The following TLK2 variants were observed in gnomAD, a reference collection of about 807,000 sequenced individuals.
TLK2 encodes tousled like kinase 2.
TLK2 carries 6 observed loss-of-function variants against 117.3 expected under a neutral mutation model. The observed-to-expected ratio is 0.05, with a 90% confidence interval of 0.03 to 0.10. The LOEUF is 0.10. Among genes scored for constraint, TLK2 ranks in the 10% least tolerant of loss-of-function variants. The probability of loss-of-function intolerance (pLI) is 1.00; values close to 1 mark genes in which losing one functional copy is unlikely to be tolerated. For missense variants in TLK2, 299 were observed against 901.2 expected, an observed-to-expected ratio of 0.33 and a Z score of 8.56; for synonymous variants, 257 against 316.7, an observed-to-expected ratio of 0.81 and a Z score of 2.00.
chr17:62,541,907 T>A lies in TLK2; in HGVS notation c.531+5570T>A, dbSNP rs367891636. On this transcript the variant is annotated intron_variant, in intron 7 of 21. Coordinates refer to ENST00000346027, the MANE Select transcript of TLK2 (RefSeq NM_006852.6). ...GCTCATTCTGTACCACCACACTAGC[T>A]CCCAGTATGAAGACTATCTGTTTGT... 3.5e-3 allele frequency among the ~76,000 whole-genome samples: 526 copies of A among 152,264 alleles called. 6 individuals are homozygous for A. Among genetic ancestry groups the A allele is most frequent in the African/African-American group, 0.012 (510 of 41,558 alleles).
intron 15 of TLK2, among the ~76,000 whole-genome samples, chr17:62,583,158 C>A (rs2081338747): frequency 6.6e-6 from 1 of 152,110 alleles, no homozygotes; most frequent in Non-Finnish European, 1.5e-5. Context: ...GTGGTGCAAT[C>A]TCGGCTCACT....
chr17:62,560,535 T>C (rs2079180049), intron 10 of TLK2, among the ~76,000 whole-genome samples: 1 of 101,002 alleles, frequency 9.9e-6, no homozygotes, highest in South Asian at 3.5e-4. Flanking sequence ...ATTAATGCTT[T>C]GTGCATTAAA....
Position 62,498,390 on chromosome 17 carries a change from CTTT to C in TLK2, c.81+17199_81+17201del, listed in dbSNP as rs34118887. Among the ~76,000 whole-genome samples, 158 of 142,846 alleles carry C rather than the reference CTTT, an allele frequency of 1.1e-3. 1 individual carries two copies. The highest frequency in any genetic ancestry group is 1.5e-3 in the Non-Finnish European group (94 of 64,792). The allele number at this position is 142,846 out of a possible 152,430, so 93.7% of individuals were successfully genotyped here. A position where few individuals can be genotyped will look rare whatever the true frequency, so the allele number is the denominator to read the frequency against. On this transcript the variant is annotated intron_variant, in intron 2 of 21. Transcript: ENST00000346027. ...GTTGATAGTGTCGTAGAAAGCCCCC[CTTT>C]TTTTTTTTTTTTTTGAGACAAAGTC...
At chr17:62,478,748 C>A (rs1453073460), upstream of TLK2, among the ~76,000 whole-genome samples, 2 of 18,232 alleles carry the variant, frequency 1.1e-4, no homozygotes, top group Non-Finnish European at 1.3e-3. Flanking sequence ...CCCCACCCCC[C>A]CAGGACCCCC....
intron 1 of TLK2, among the ~76,000 whole-genome samples, chr17:62,479,884 A>G (rs903447475): frequency 2.0e-5 from 3 of 152,140 alleles, no homozygotes; most frequent in African/African-American, 7.2e-5. Context: ...TGCCATTCCG[A>G]CCTCGATTAG....
chr17:62,601,265 C>T (rs2082855007), intron 18 of TLK2, among the ~76,000 whole-genome samples: 1 of 152,134 alleles, frequency 6.6e-6, no homozygotes, highest in Non-Finnish European at 1.5e-5. Context: ...TATTATCTAG[C>T]TTTGATGTTC....
chr17:62,577,495 G>A (rs938146668), intron 13 of TLK2, among the ~76,000 whole-genome samples: 8 of 152,178 alleles, frequency 5.3e-5, no homozygotes, highest in African/African-American at 1.9e-4. Flanking sequence ...GCTAAAAAGA[G>A]AAAGTGTTAT....
intron 16 of TLK2, among the ~76,000 whole-genome samples, chr17:62,594,346 C>T (rs1294375830): frequency 6.6e-6 from 1 of 151,982 alleles, no homozygotes; most frequent in Non-Finnish European, 1.5e-5. Context: ...AGGCAAAGAC[C>T]ACAGTGAGCT....
chr17:62,580,601 G>A (rs1317288292), intron 15 of TLK2, among the ~76,000 whole-genome samples: 1 of 152,034 alleles, frequency 6.6e-6, no homozygotes, highest in Non-Finnish European at 1.5e-5. Context: ...CCTGCTTTTT[G>A]TTTTAGAAGT....
intron 12 of TLK2, among the ~76,000 whole-genome samples, chr17:62,576,038 C>T (rs780918048): frequency 6.6e-5 from 10 of 152,184 alleles, no homozygotes; most frequent in Non-Finnish European, 1.3e-4. Flanking sequence ...GTAGTTGGAA[C>T]ATGAAACACA....
chr17:62,580,305 CA>C, intron 15 of TLK2, 113 bp downstream of exon 15: 2 of 738,112 alleles, frequency 2.7e-6, no homozygotes, highest in Non-Finnish European at 4.1e-6. Flanking sequence ...GGTTGAAATT[CA>C]AAAACTTTAA....
intron 12 of TLK2, among the ~76,000 whole-genome samples, chr17:62,576,118 C>T (rs2080766665): frequency 6.6e-6 from 1 of 152,160 alleles, no homozygotes; most frequent in African/African-American, 2.4e-5. Context: ...TATATGTTGT[C>T]ATTTAATAGT....
chr17:62,508,235 T>A (rs2074876827), intron 2 of TLK2, among the ~76,000 whole-genome samples: 1 of 148,146 alleles, frequency 6.8e-6, no homozygotes, highest in African/African-American at 2.5e-5. Context: ...TCCCAAGTGA[T>A]ATGGATATTA....
rs561709511 is a variant in TLK2, at chr17:62,516,936, ACT to A, written c.82-3834_82-3833del. Among the ~76,000 whole-genome samples, 50 of 151,902 alleles carry A rather than the reference ACT, an allele frequency of 3.3e-4. No homozygotes were observed. The South Asian group carries it at 0.01, about 30-fold the overall frequency. On this transcript the variant is annotated intron_variant, in intron 2 of 21. Coordinates refer to ENST00000346027, the MANE Select transcript of TLK2 (RefSeq NM_006852.6). ...CAGCACCATTTTTTGAGACCGTCTC[ACT>A]CTGTTGTCCAGGCTGGAGTGCGCTG...
At chr17:62,476,770 G>A (rs375465589), upstream of TLK2, among the ~76,000 whole-genome samples, 10 of 151,900 alleles carry the variant, frequency 6.6e-5, no homozygotes, top group East Asian at 7.8e-4. Context: ...CCCGATTTAA[G>A]ACATTAAATC....
intron 2 of TLK2, among the ~76,000 whole-genome samples, chr17:62,510,259 G>A (rs527634753): frequency 2.0e-5 from 3 of 152,242 alleles, no homozygotes; most frequent in East Asian, 1.9e-4. Flanking sequence ...GTGACAGAGC[G>A]AGACCCTGTC....
chr17:62,511,826 T>G (rs2075166844), intron 2 of TLK2, among the ~76,000 whole-genome samples: 1 of 152,238 alleles, frequency 6.6e-6, no homozygotes, highest in Non-Finnish European at 1.5e-5. Context: ...ATGAGGACAT[T>G]TGGTTTGTTT....
At chr17:62,582,329 C>T (rs1169416818) in intron 15 of TLK2, among the ~76,000 whole-genome samples, 1 of 152,024 alleles carries the variant, frequency 6.6e-6, no homozygotes, top group African/African-American at 2.4e-5. Flanking sequence ...GATCTTCACC[C>T]CTCAGTCTTC....
chr17:62,518,456 C>T (rs1567836298), intron 2 of TLK2, among the ~76,000 whole-genome samples: 1 of 152,140 alleles, frequency 6.6e-6, no homozygotes, highest in Non-Finnish European at 1.5e-5. Context: ...ATAATCTCAG[C>T]ACTTTGGGAG....
Sources: allele counts gnomAD v4.1 joint callset (sites outside exome capture counted in the v4.1 genomes callset), GRCh38; gene constraint gnomAD v4.1.1; transcripts MANE v1.5; gene names NCBI Gene and HGNC (gene_info 2026-07-23, HGNC 2026-07-21).